FAT3: variants seen among roughly 807,000 people sequenced by gnomAD.
FAT3 encodes the protein FAT atypical cadherin 3, also known as protocadherin Fat 3.
FAT3 carries 95 observed loss-of-function variants against 310.2 expected under a neutral mutation model. That is an observed-to-expected ratio of 0.31 (90% confidence interval 0.26 to 0.36). The LOEUF is 0.36. Ranked by LOEUF, FAT3 falls within the 10% of genes least tolerant of loss-of-function variation. The pLI is 1.00. For missense variants in FAT3, 5,408 were observed against 5,715.6 expected (o/e 0.95, Z 1.74); for synonymous variants, 2,314 against 2,192.9 (o/e 1.06, Z -1.54).
At chr11:92,324,155 A>G (rs1236222510) in intron 1 of FAT3, among the ~76,000 whole-genome samples, 2 of 152,172 alleles carry the variant, frequency 1.3e-5, no homozygotes, top group East Asian at 3.9e-4. Flanking sequence ...AACCTTTTCC[A>G]TATCAGCAAT....
intron 4 of FAT3, among the ~76,000 whole-genome samples, chr11:92,757,987 C>T (rs1946048201): frequency 6.6e-6 from 1 of 152,192 alleles, no homozygotes; most frequent in African/African-American, 2.4e-5. Context: ...ATGGTTAAAA[C>T]TGTCCACCTC....
intron 2 of FAT3, among the ~76,000 whole-genome samples, chr11:92,470,544 A>T (rs1242194627): frequency 6.6e-6 from 1 of 152,140 alleles, no homozygotes; most frequent in African/African-American, 2.4e-5. Context: ...TAATTGTCTC[A>T]TCTGTCTTTC....
chr11:92,744,615 C>T (rs760707985), intron 4 of FAT3, among the ~76,000 whole-genome samples: 1 of 152,030 alleles, frequency 6.6e-6, no homozygotes, highest in East Asian at 1.9e-4. Flanking sequence ...TCTGCACAAC[C>T]GTGATGATGA....
At chr11:92,812,882 TC>T (rs1947717813) in intron 13 of FAT3, among the ~76,000 whole-genome samples, 1 of 152,108 alleles carries the variant, frequency 6.6e-6, no homozygotes, top group Admixed American at 6.5e-5. Flanking sequence ...GTTTCCATAA[TC>T]CCCATGTGTC....
chr11:92,503,733 G>T (rs1307611668), intron 2 of FAT3, among the ~76,000 whole-genome samples: 1 of 139,148 alleles, frequency 7.2e-6, no homozygotes, highest in East Asian at 2.3e-4. Flanking sequence ...AAATACACAT[G>T]TCTGGTCTAT....
At chr11:92,635,637 G>A (rs1229797814) in intron 3 of FAT3, among the ~76,000 whole-genome samples, 1 of 152,170 alleles carries the variant, frequency 6.6e-6, no homozygotes, top group Non-Finnish European at 1.5e-5. Context: ...TCCCCAGAAT[G>A]CCTGCTGTTT....
intron 13 of FAT3, 146 bp from the exon 14 acceptor site, chr11:92,831,476 A>T: frequency 1.6e-6 from 1 of 642,434 alleles, no homozygotes; most frequent in Non-Finnish European, 2.4e-6. Flanking sequence ...ACTGAAATTT[A>T]CATTTTTGTA....
chr11:92,241,219 A>G (rs78876226), intron 1 of FAT3, among the ~76,000 whole-genome samples: 1 of 152,060 alleles, frequency 6.6e-6, no homozygotes, highest in African/African-American at 2.4e-5. Context: ...TGGACTTTCT[A>G]TCTGAGGCTC....
chr11:92,521,339 A>G (rs925035028), intron 2 of FAT3, among the ~76,000 whole-genome samples: 2 of 152,156 alleles, frequency 1.3e-5, no homozygotes, highest in Non-Finnish European at 2.9e-5. Context: ...GTAATGGGCA[A>G]ATCACAAAGA....
intron 2 of FAT3, among the ~76,000 whole-genome samples, chr11:92,470,155 A>G (rs1324948758): frequency 6.6e-6 from 1 of 152,226 alleles, no homozygotes; most frequent in Non-Finnish European, 1.5e-5. Context: ...TGCCCGAGGC[A>G]GAACCCAGAC....
At position 92,234,883 on chromosome 11, in the gene FAT3, C is replaced by T. The variant is rs185319753; in HGVS notation, c.-18+9709C>T. 2.4e-3 allele frequency among the ~76,000 whole-genome samples: 335 copies of T among 138,190 alleles called. 3 individuals are homozygous for T. Among genetic ancestry groups the T allele is most frequent in the African/African-American group, 8.7e-3 (316 of 36,264 alleles). The allele number at this position is 138,190 out of a possible 152,430, so 90.7% of individuals were successfully genotyped here. A position where few individuals can be genotyped will look rare whatever the true frequency, so the allele number is the denominator to read the frequency against. On this transcript the variant is annotated intron_variant, in intron 1 of 27. Coordinates refer to ENST00000525166, the MANE Select transcript of FAT3 (RefSeq NM_001367949.2). The stretch of plus-strand genomic sequence containing the variant: ...TGCCATTGAACTCCAGCCTGGGTGA[C>T]AACAGTGAGACTCCGTCTCAAAAAA...
At chr11:92,706,745 C>T (rs1469964008) in intron 4 of FAT3, among the ~76,000 whole-genome samples, 2 of 152,068 alleles carry the variant, frequency 1.3e-5, no homozygotes, top group Admixed American at 6.6e-5. Context: ...TCTTATCTTC[C>T]CTTCACCTCA....
chr11:92,889,440 A>G (rs1018603531), intron 26 of FAT3, among the ~76,000 whole-genome samples, 192 bp downstream of exon 26: 2 of 152,018 alleles, frequency 1.3e-5, no homozygotes. Flanking sequence ...TGTAAAAAAT[A>G]TATAAGGTAC....
chr11:92,306,705 A>AATATATATATTTATATATT (rs1022249331), intron 1 of FAT3, among the ~76,000 whole-genome samples: 1 of 123,972 alleles, frequency 8.1e-6, no homozygotes, highest in Non-Finnish European at 1.6e-5. Context: ...GAGGCTCATA[A>AATATATATATTTATATATT]ATATATATAT....
chr11:92,846,979 T>TACCA, intron 19 of FAT3, among the ~76,000 whole-genome samples: 1 of 152,360 alleles, frequency 6.6e-6, no homozygotes, highest in Admixed American at 6.5e-5. Context: ...ATAGATGTGG[T>TACCA]AGCTTTGTGC....
intron 17 of FAT3, among the ~76,000 whole-genome samples, chr11:92,838,826 A>C (rs1172410151): frequency 6.6e-6 from 1 of 152,164 alleles, no homozygotes; most frequent in Non-Finnish European, 1.5e-5. Flanking sequence ...CAGCAATCAG[A>C]CTGGGAGGCA....
chr11:92,226,855 G>C (rs1863931502), intron 1 of FAT3, among the ~76,000 whole-genome samples: 1 of 152,170 alleles, frequency 6.6e-6, no homozygotes, highest in African/African-American at 2.4e-5. Flanking sequence ...AGGGAGGGAC[G>C]CTGGGACCGC....
chr11:92,267,460 A>C (rs1207427307), intron 1 of FAT3, among the ~76,000 whole-genome samples: 1 of 152,112 alleles, frequency 6.6e-6, no homozygotes, highest in Non-Finnish European at 1.5e-5. Flanking sequence ...AGGTCTCCTT[A>C]GGAACCTGGA....
chr11:92,460,555 T>C (rs1951610000), intron 2 of FAT3, among the ~76,000 whole-genome samples: 1 of 152,234 alleles, frequency 6.6e-6, no homozygotes, highest in Non-Finnish European at 1.5e-5. Flanking sequence ...AGAGCATTTG[T>C]ATGAAATTGA....
Sources: gnomAD v4.1 joint callset for allele counts (sites outside exome capture counted in the v4.1 genomes callset) on GRCh38, gnomAD v4.1.1 for gene constraint, MANE v1.5 for transcripts, NCBI Gene and HGNC (gene_info 2026-07-23, HGNC 2026-07-21) for gene names.